The following PLCXD3 variants were observed in gnomAD, a reference collection of about 807,000 sequenced individuals.
PLCXD3 encodes the protein PI-PLC X domain-containing protein 3.
PLCXD3 carries 19 observed loss-of-function variants against 25.5 expected under a neutral mutation model. That is an observed-to-expected ratio of 0.75 (90% confidence interval 0.52 to 1.09). PLCXD3 has a LOEUF of 1.09. Among genes scored for constraint, PLCXD3 ranks in the 50% least tolerant of loss-of-function variants. PLCXD3 has a pLI of 0.00. For synonymous variants in PLCXD3, 174 were observed against 137.6 expected (o/e 1.26, Z -1.85); for missense variants, 411 against 388.1 (o/e 1.06, Z -0.50).
chr5:41,354,220 C>T (rs73075986), intron 2 of PLCXD3, among the ~76,000 whole-genome samples: 5,552 of 152,210 alleles, frequency 0.036, 344 homozygotes, highest in African/African-American at 0.13. Context: ...CTTTTGCAGC[C>T]CGGACTTCTC....
At chr5:41,370,440 T>C (rs1456798622) in intron 2 of PLCXD3, among the ~76,000 whole-genome samples, 2 of 152,218 alleles carry the variant, frequency 1.3e-5, no homozygotes, top group East Asian at 1.9e-4. Flanking sequence ...GAAAACATCA[T>C]TTTATCAACC....
In PLCXD3 at chr5:41,385,782, G is replaced by T. The variant is rs570240711; in HGVS notation, c.104-3248C>A. Among the ~76,000 whole-genome samples the T allele has an allele frequency of 1.4e-4, 22 of 152,228 alleles. No individual in the cohort carries two copies. The South Asian group carries it at 3.3e-3, about 23-fold the overall frequency. On this transcript the variant is annotated intron_variant, in intron 1 of 2. Coordinates refer to ENST00000377801, the MANE Select transcript of PLCXD3 (RefSeq NM_001005473.3). ...CTTGCTTTGATGAGTGAACTGCCAT[G>T]TTGGAGAGGCCCATGTGACACAGAG...
chr5:41,409,804 T>C (rs974618001), intron 1 of PLCXD3, among the ~76,000 whole-genome samples: 1 of 152,226 alleles, frequency 6.6e-6, no homozygotes, highest in African/African-American at 2.4e-5. Context: ...CATCCTCATC[T>C]ATAAATAGGA....
chr5:41,365,691 G>A (rs185547427), intron 2 of PLCXD3, among the ~76,000 whole-genome samples: 3 of 152,200 alleles, frequency 2.0e-5, no homozygotes, highest in Admixed American at 1.3e-4. Context: ...AAAGAAATTA[G>A]GATTCTCTAA....
intron 1 of PLCXD3, among the ~76,000 whole-genome samples, chr5:41,384,532 G>A (rs62360566): frequency 0.1 from 15,432 of 151,852 alleles, 897 homozygotes; most frequent in Non-Finnish European, 0.12. Flanking sequence ...AAAGTAATTG[G>A]TTACTTCTGT....
At chr5:41,494,152 G>T (rs1398814561) in intron 1 of PLCXD3, among the ~76,000 whole-genome samples, 2 of 152,208 alleles carry the variant, frequency 1.3e-5, no homozygotes, top group African/African-American at 2.4e-5. Context: ...AGGCTGAAGT[G>T]CAGTGGTGTG....
chr5:41,440,107 T>A (rs1210618147), intron 1 of PLCXD3, among the ~76,000 whole-genome samples: 1 of 151,300 alleles, frequency 6.6e-6, no homozygotes, highest in Non-Finnish European at 1.5e-5. Flanking sequence ...AGTGAATAAG[T>A]CCCTAGATTC....
chr5:41,499,984 T>C (rs993947897), intron 1 of PLCXD3, among the ~76,000 whole-genome samples: 8 of 151,788 alleles, frequency 5.3e-5, no homozygotes, highest in South Asian at 2.1e-4. Context: ...TGTAAATTAG[T>C]ACAGCCTCTA....
chr5:41,388,944 G>T (rs967725826), intron 1 of PLCXD3, among the ~76,000 whole-genome samples: 1 of 151,024 alleles, frequency 6.6e-6, no homozygotes, highest in Non-Finnish European at 1.5e-5. Context: ...CATTAGTATA[G>T]TAATGCTTGT....
chr5:41,464,370 C>T (rs1394845356), intron 1 of PLCXD3, among the ~76,000 whole-genome samples: 1 of 152,016 alleles, frequency 6.6e-6, no homozygotes, highest in Non-Finnish European at 1.5e-5. Context: ...CAAAAATGTA[C>T]TTACATGCAC....
chr5:41,351,657 G>C (rs1057347642), intron 2 of PLCXD3, among the ~76,000 whole-genome samples: 2 of 152,174 alleles, frequency 1.3e-5, no homozygotes, highest in African/African-American at 4.8e-5. Context: ...TCTATAAGAA[G>C]AGTGATTAAG....
intron 1 of PLCXD3, among the ~76,000 whole-genome samples, chr5:41,422,245 G>A (rs752548101): frequency 1.3e-5 from 2 of 151,900 alleles, no homozygotes; most frequent in Non-Finnish European, 1.5e-5. Context: ...TTTCACATAC[G>A]CCTTCTCCGT....
intron 1 of PLCXD3, among the ~76,000 whole-genome samples, chr5:41,451,401 T>G (rs1157653470): frequency 1.3e-5 from 2 of 152,036 alleles, no homozygotes; most frequent in Non-Finnish European, 2.9e-5. Context: ...TATTTACAAT[T>G]CAACTCGATA....
At chr5:41,422,541 A>T (rs1746852238) in intron 1 of PLCXD3, among the ~76,000 whole-genome samples, 2 of 152,294 alleles carry the variant, frequency 1.3e-5, no homozygotes, top group East Asian at 1.9e-4. Context: ...CAGATATATT[A>T]AAAAATTGAA....
chr5:41,316,767 G>A (rs949560363), intron 2 of PLCXD3, among the ~76,000 whole-genome samples: 1 of 152,170 alleles, frequency 6.6e-6, no homozygotes, highest in Non-Finnish European at 1.5e-5. Context: ...TGAGGCTCCT[G>A]TACCTTTGGA....
rs1748914596 is a variant in PLCXD3, at chr5:41,499,699, AAAAC to A, written c.103+10721_103+10724del. On this transcript the variant is annotated intron_variant, in intron 1 of 2. Transcript: ENST00000377801. ...AAAACCCTCATAATTTTGAGAAAGA[AAAAC>A]AAAGCTGGAGGCCTCACACCTTCTG... Among the ~76,000 whole-genome samples, 7 of 151,990 alleles carry A rather than the reference AAAAC, an allele frequency of 4.6e-5. No homozygotes were observed. The South Asian group carries it at 1.4e-3, about 31-fold the overall frequency.
intron 1 of PLCXD3, among the ~76,000 whole-genome samples, chr5:41,499,161 AG>A (rs1012693161): frequency 3.3e-5 from 5 of 151,210 alleles, no homozygotes; most frequent in African/African-American, 1.2e-4. Context: ...CAGTTAGGTT[AG>A]AAAAAACAAA....
rs367947417 is a variant in PLCXD3 at position 41,510,412 on chromosome 5, C to T, written c.103+12G>A. ...GCGCCGAGCGCCTAGCCCGCAGCCC[C>T]TGCGCGCCTACCTGGAATGGCTAAA... On this transcript the variant is annotated intron_variant, in intron 1 of 2. Coordinates refer to ENST00000377801, the MANE Select transcript of PLCXD3 (RefSeq NM_001005473.3). 1.6e-4 allele frequency: 261 copies of T among 1,602,712 alleles called. 1 individual carries two copies. In the Middle Eastern group the frequency reaches 1.8e-3, roughly 11 times the overall value.
intron 2 of PLCXD3, among the ~76,000 whole-genome samples, chr5:41,350,962 T>G (rs1038486794): frequency 1.3e-5 from 2 of 152,170 alleles, no homozygotes; most frequent in Non-Finnish European, 2.9e-5. Flanking sequence ...AAAAGATTTC[T>G]GGTCTTATAG....
Sources: allele counts gnomAD v4.1 joint callset (sites outside exome capture counted in the v4.1 genomes callset), GRCh38; gene constraint gnomAD v4.1.1; transcripts MANE v1.5; gene names NCBI Gene and HGNC (gene_info 2026-07-23, HGNC 2026-07-21).